Variants in MRO observed in about 807,000 individuals in gnomAD.
MRO encodes the protein protein maestro.
A neutral mutation model predicts 31.0 loss-of-function variants in MRO; 28 were observed. The observed-to-expected ratio is 0.90, with a 90% CI of 0.67 to 1.24. MRO has a LOEUF of 1.24. Ranked by LOEUF, MRO falls within the 50% of genes most tolerant of loss-of-function variation. The pLI, the probability that MRO is intolerant of heterozygous loss-of-function variation, is 0.00. For synonymous variants in MRO, 108 were observed against 108.4 expected (o/e 1.00, Z 0.02); for missense variants, 332 against 289.2 (o/e 1.15, Z -1.07).
At chr18:50,807,080 T>C (rs1338106060) in intron 3 of MRO, among the ~76,000 whole-genome samples, 1 of 151,882 alleles carries the variant, frequency 6.6e-6, no homozygotes, top group African/African-American at 2.4e-5. Flanking sequence ...GGTGTTGAGG[T>C]AGGTTTAGGA....
chr18:50,795,139 A>T lies in MRO; in HGVS notation c.*4198T>A, dbSNP rs969579218. ...CATAAATAAAATGATAATCAATCAT[A>T]AGTCATTTTATTTGTTATCAAGTTA... is the stretch of plus-strand genomic sequence containing the variant. On this transcript the variant is annotated 3_prime_UTR_variant, in exon 8 of 8. Transcript: ENST00000398439. The T allele has an allele frequency of 2.0e-5, 3 of 152,228 alleles. No individual in the cohort carries two copies. Among genetic ancestry groups the T allele is most frequent in the Non-Finnish European group, 4.4e-5 (3 of 68,046 alleles). The allele number at this position is 152,228 out of a possible 1,614,324, so 9.4% of individuals were successfully genotyped here. A position where few individuals can be genotyped will look rare whatever the true frequency, so the allele number is the denominator to read the frequency against.
At chr18:50,802,670 T>C (rs1306816517) in intron 5 of MRO, among the ~76,000 whole-genome samples, 1 of 152,136 alleles carries the variant, frequency 6.6e-6, no homozygotes, top group East Asian at 1.9e-4. Flanking sequence ...CTTTAAAAAA[T>C]TTAGCACATG....
chr18:50,801,477 AG>A lies in MRO; in HGVS notation c.456del (p.Phe153LeufsTer31). The A allele has an allele frequency of 6.2e-7, 1 of 1,608,896 alleles. No individual in the cohort carries two copies. The highest frequency in any genetic ancestry group is 2.2e-5 in the East Asian group (1 of 44,852). On this transcript the variant is annotated frameshift_variant, in exon 6 of 8. Coordinates refer to ENST00000398439, the MANE Select transcript of MRO (RefSeq NM_031939.6). LOFTEE classifies it high-confidence loss of function. The part of the protein sequence containing the change: ...DDENDSLRYS[A>X]FVLFGQLAAF... ...GCAGCCAATTGCCCAAACAAAACAA[AG>A]GCCGAGTATCTCAGACTGTCGTTCT...
rs867654043 is a variant in MRO at position 50,795,333 on chromosome 18, T to A, written c.*4004A>T. ...TCATTTTAAAAGGGCATTTTGCATG[T>A]GTTTTATAACTATGAAAGTAATACA... On this transcript the variant is annotated 3_prime_UTR_variant, in exon 8 of 8. Coordinates refer to ENST00000398439, the MANE Select transcript of MRO (RefSeq NM_031939.6). 6.6e-6 allele frequency: 1 copy of A among 152,224 alleles called. No homozygotes were observed. Among genetic ancestry groups the A allele is most frequent in the South Asian group, 2.1e-4 (1 of 4,832 alleles). The allele number at this position is 152,224 out of a possible 1,614,324, so 9.4% of individuals were successfully genotyped here. A position where few individuals can be genotyped will look rare whatever the true frequency, so the allele number is the denominator to read the frequency against.
At chr18:50,811,668 G>A (rs930667672) in intron 2 of MRO, among the ~76,000 whole-genome samples, 1 of 150,592 alleles carries the variant, frequency 6.6e-6, no homozygotes, top group Non-Finnish European at 1.5e-5. Context: ...ATGAATATCT[G>A]TGCACAACTA....
At chr18:50,816,346 T>C (rs921025401) in intron 2 of MRO, among the ~76,000 whole-genome samples, 18 of 152,216 alleles carry the variant, frequency 1.2e-4, no homozygotes, top group Non-Finnish European at 2.4e-4. Context: ...TTCTTTTTCT[T>C]TTTCTTTTCA....
chr18:50,819,019 C>T (rs1164085463), intron 2 of MRO, among the ~76,000 whole-genome samples: 1 of 151,856 alleles, frequency 6.6e-6, no homozygotes, highest in African/African-American at 2.4e-5. Context: ...GGCCACCGCA[C>T]CCCAGCTTGG....
At chr18:50,821,883 C>T (rs1915317087), upstream of MRO, among the ~76,000 whole-genome samples, 1 of 152,208 alleles carries the variant, frequency 6.6e-6, no homozygotes, top group Non-Finnish European at 1.5e-5. Context: ...CTAAACACTT[C>T]TCATAAACGG....
At position 50,800,022 on chromosome 18, in the gene MRO, C is replaced by T. The variant is rs1333120428; in HGVS notation, c.693+14G>A. ...GGACCGGAAAAGAATTCTCTCCTAC[C>T]CTGGCTCACTCACCAGCTGCTGGTA... On this transcript the variant is annotated intron_variant, in intron 7 of 7. Transcript: ENST00000398439. The T allele has an allele frequency of 1.3e-6, 2 of 1,590,918 alleles. No homozygotes were observed. The highest frequency in any genetic ancestry group is 2.2e-5 in the East Asian group (1 of 44,720).
At chr18:50,799,929 G>A in intron 7 of MRO, 107 bp downstream of exon 7, 2 of 760,094 alleles carry the variant, frequency 2.6e-6, no homozygotes, top group Non-Finnish European at 4.4e-6. Flanking sequence ...TAGTTGGCCT[G>A]AGTCATTTTA....
chr18:50,810,367 T>C (rs1408308303), intron 2 of MRO, among the ~76,000 whole-genome samples: 2 of 152,234 alleles, frequency 1.3e-5, no homozygotes, highest in Non-Finnish European at 2.9e-5. Flanking sequence ...CTCCACGATA[T>C]ACTGTTGAGT....
intron 5 of MRO, among the ~76,000 whole-genome samples, chr18:50,803,240 T>C (rs1287497709): frequency 1.3e-5 from 2 of 152,172 alleles, no homozygotes; most frequent in Admixed American, 6.5e-5. Context: ...GCCAGACACA[T>C]GTCTCATGCC....
chr18:50,799,992 G>T, intron 7 of MRO, 44 bp downstream of exon 7: 1 of 1,395,570 alleles, frequency 7.2e-7, no homozygotes, highest in South Asian at 1.2e-5. Context: ...CCACCAGGAG[G>T]GCAGGGACCG....
chr18:50,803,176 G>A (rs575674182), intron 5 of MRO, among the ~76,000 whole-genome samples: 40 of 152,090 alleles, frequency 2.6e-4, no homozygotes, highest in Non-Finnish European at 3.8e-4. Context: ...CTACATGGCC[G>A]GGGATTTCTG....
intron 2 of MRO, among the ~76,000 whole-genome samples, chr18:50,812,122 C>T (rs1914530214): frequency 6.6e-6 from 1 of 152,160 alleles, no homozygotes; most frequent in Non-Finnish European, 1.5e-5. Context: ...TACATACCCA[C>T]CAGCAACGTA....
At chr18:50,817,692 G>C (rs1383642195) in intron 2 of MRO, among the ~76,000 whole-genome samples, 1 of 150,932 alleles carries the variant, frequency 6.6e-6, no homozygotes, top group Non-Finnish European at 1.5e-5. Flanking sequence ...TGCAGTAGCA[G>C]AAACCATGGA....
At chr18:50,812,484 G>A (rs1353433680) in intron 2 of MRO, among the ~76,000 whole-genome samples, 2 of 152,236 alleles carry the variant, frequency 1.3e-5, no homozygotes, top group East Asian at 1.9e-4. Context: ...TCTGGATAAC[G>A]TCTGTTGTGC....
chr18:50,805,935 C>T (rs1462082113), intron 4 of MRO, among the ~76,000 whole-genome samples: 1 of 151,586 alleles, frequency 6.6e-6, no homozygotes, highest in African/African-American at 2.4e-5. Context: ...AGCCTACGGA[C>T]ATGACTTTAC....
rs1274242022 is a variant in MRO, at chr18:50,795,699, G to C, written c.*3638C>G. 6.6e-6 allele frequency: 1 copy of C among 152,354 alleles called. No homozygotes were observed. The highest frequency in any genetic ancestry group is 1.9e-4 in the East Asian group (1 of 5,202). The allele number at this position is 152,354 out of a possible 1,614,324, so 9.4% of individuals were successfully genotyped here. On this transcript the variant is annotated 3_prime_UTR_variant, in exon 8 of 8. Transcript: ENST00000398439. ...TCACGCCTGTAATCCCAGCACTTTG[G>C]GAGACCAAGGTGAGCAGATCACTTG...
Sources: allele counts gnomAD v4.1 joint callset (sites outside exome capture counted in the v4.1 genomes callset), GRCh38; gene constraint gnomAD v4.1.1; transcripts MANE v1.5; gene names NCBI Gene and HGNC (gene_info 2026-07-23, HGNC 2026-07-21).